Variants in VPS13B observed in about 807,000 individuals in gnomAD.
The protein encoded by VPS13B is vacuolar protein sorting 13 homolog B, also known as intermembrane lipid transfer protein VPS13B.
VPS13B carries 285 observed loss-of-function variants against 426.4 expected under a neutral mutation model. The observed-to-expected ratio is 0.67, with a 90% confidence interval of 0.61 to 0.74. VPS13B has a LOEUF of 0.74. Among genes scored for constraint, VPS13B ranks in the 30% least tolerant of loss-of-function variants. VPS13B has a pLI of 0.00. For missense variants in VPS13B, 4,537 were observed against 4,782.6 expected (o/e 0.95, Z 1.51); for synonymous variants, 1,676 against 1,676.4 (o/e 1.00, Z 0.01).
intron 16 of VPS13B, among the ~76,000 whole-genome samples, chr8:99,178,507 G>A (rs1812764265): frequency 6.6e-6 from 1 of 152,080 alleles, no homozygotes; most frequent in Admixed American, 6.5e-5. Flanking sequence ...AAACAGGTTA[G>A]GTATCCTTAT....
intron 39 of VPS13B, among the ~76,000 whole-genome samples, chr8:99,737,134 T>TTTA (rs1833871073): frequency 7.5e-6 from 1 of 133,394 alleles, no homozygotes; most frequent in Non-Finnish European, 1.6e-5. Flanking sequence ...TTTTTTTTTT[T>TTTA]TTTTGAGACA....
chr8:99,264,965 A>G (rs1264166499), intron 17 of VPS13B, among the ~76,000 whole-genome samples: 1 of 151,498 alleles, frequency 6.6e-6, no homozygotes, highest in African/African-American at 2.4e-5. Flanking sequence ...TCTCAACTTT[A>G]TTTTCCAATC....
intron 30 of VPS13B, among the ~76,000 whole-genome samples, chr8:99,547,695 A>G (rs137917944): frequency 2.5e-4 from 38 of 152,226 alleles, no homozygotes; most frequent in African/African-American, 8.2e-4. Flanking sequence ...TCGACCAACT[A>G]TTGCAGACTT....
chr8:99,319,107 A>T (rs910570392), intron 19 of VPS13B, among the ~76,000 whole-genome samples: 3 of 152,218 alleles, frequency 2.0e-5, no homozygotes, highest in Non-Finnish European at 4.4e-5. Context: ...AAAGTAATTT[A>T]TAATAGAAGC....
intron 21 of VPS13B, among the ~76,000 whole-genome samples, chr8:99,427,855 C>G (rs1309490904): frequency 6.6e-6 from 1 of 152,086 alleles, no homozygotes; most frequent in Admixed American, 6.6e-5. Context: ...AAGAACAAAG[C>G]TGGAGGTATC....
chr8:99,066,487 A>G (rs1473905772), intron 3 of VPS13B, among the ~76,000 whole-genome samples: 1 of 152,236 alleles, frequency 6.6e-6, no homozygotes, highest in Non-Finnish European at 1.5e-5. Flanking sequence ...CTTACACCTT[A>G]TACAAAAATT....
intron 31 of VPS13B, among the ~76,000 whole-genome samples, chr8:99,568,362 C>T (rs1222260969): frequency 6.6e-6 from 1 of 151,114 alleles, no homozygotes; most frequent in Non-Finnish European, 1.5e-5. Context: ...GCAATCTCGT[C>T]TCACTGCAGC....
chr8:99,296,500 A>G (rs1416233677), intron 19 of VPS13B, among the ~76,000 whole-genome samples: 1 of 152,204 alleles, frequency 6.6e-6, no homozygotes, highest in African/African-American at 2.4e-5. Flanking sequence ...GTAAATTTGA[A>G]TGAATTTTTC....
chr8:99,671,559 G>A (rs897167286), intron 35 of VPS13B, among the ~76,000 whole-genome samples: 1 of 152,084 alleles, frequency 6.6e-6, no homozygotes, highest in Non-Finnish European at 1.5e-5. Flanking sequence ...CAATATCATA[G>A]AGCTTTTCCC....
intron 58 of VPS13B, among the ~76,000 whole-genome samples, chr8:99,863,745 T>A (rs1055097953): frequency 1.3e-5 from 2 of 152,208 alleles, no homozygotes; most frequent in African/African-American, 2.4e-5. Context: ...TTTGGTGTAG[T>A]CATTGTGTCT....
At chr8:99,422,134 T>C (rs1480478597) in intron 21 of VPS13B, among the ~76,000 whole-genome samples, 3 of 152,172 alleles carry the variant, frequency 2.0e-5, no homozygotes, top group Admixed American at 6.6e-5. Flanking sequence ...GCAGAAAATA[T>C]TGTCTTTTCT....
At chr8:99,288,367 T>C (rs1819554198) in intron 19 of VPS13B, among the ~76,000 whole-genome samples, 1 of 152,056 alleles carries the variant, frequency 6.6e-6, no homozygotes, top group Admixed American at 6.6e-5. Context: ...ATAATAGATA[T>C]TAAAAAATAT....
chr8:99,486,686 C>G (rs909968162), intron 25 of VPS13B, among the ~76,000 whole-genome samples: 24 of 152,324 alleles, frequency 1.6e-4, no homozygotes, highest in African/African-American at 5.8e-4. Context: ...AGTTCAGACT[C>G]TACACTATGT....
At position 99,370,109 on chromosome 8, in the gene VPS13B, C is replaced by T. The variant is rs564814150; in HGVS notation, c.2825-14099C>T. Among the ~76,000 whole-genome samples the T allele has an allele frequency of 1.8e-3, 271 of 152,278 alleles. 1 individual carries two copies. Among genetic ancestry groups the T allele is most frequent in the African/African-American group, 5.9e-3 (245 of 41,564 alleles). On this transcript the variant is annotated intron_variant, in intron 19 of 61. Transcript: ENST00000357162. ...AGACAGATATAATAATATATTTATA[C>T]ATTTATTCAACAGATTTTGTATTTT...
At chr8:99,602,468 G>GCTATGCAGGCTC (rs1554865533) in intron 33 of VPS13B, among the ~76,000 whole-genome samples, 1 of 152,076 alleles carries the variant, frequency 6.6e-6, no homozygotes, top group Admixed American at 6.6e-5. Flanking sequence ...GATTGTCTTG[G>GCTATGCAGGCTC]CTATGCAGGC....
chr8:99,049,217 CT>C (rs546770062), intron 3 of VPS13B, among the ~76,000 whole-genome samples: 50 of 144,298 alleles, frequency 3.5e-4, no homozygotes, highest in African/African-American at 5.3e-4. Context: ...GCCTGTATAC[CT>C]TTTTTTTTTT....
intron 17 of VPS13B, among the ~76,000 whole-genome samples, chr8:99,272,867 C>T (rs1044065292): frequency 3.9e-5 from 6 of 152,112 alleles, no homozygotes; most frequent in African/African-American, 1.4e-4. Context: ...TTGAGTGACC[C>T]CCTACTCTGA....
At chr8:99,304,901 T>C (rs1340869559) in intron 19 of VPS13B, among the ~76,000 whole-genome samples, 1 of 152,116 alleles carries the variant, frequency 6.6e-6, no homozygotes, top group Non-Finnish European at 1.5e-5. Flanking sequence ...CTGTATAAAG[T>C]TCAGACTTCT....
chr8:99,041,323 T>G (rs868519994), intron 3 of VPS13B, among the ~76,000 whole-genome samples: 1 of 152,372 alleles, frequency 6.6e-6, no homozygotes, highest in Middle Eastern at 3.4e-3. Context: ...ATCCTGTTTT[T>G]GATTTCAGAT....
Sources: allele counts gnomAD v4.1 joint callset (sites outside exome capture counted in the v4.1 genomes callset), GRCh38; gene constraint gnomAD v4.1.1; transcripts MANE v1.5; gene names NCBI Gene and HGNC (gene_info 2026-07-23, HGNC 2026-07-21).